The following RNFT2 variants were observed in gnomAD, a reference collection of about 807,000 sequenced individuals.
RNFT2 encodes E3 ubiquitin-protein ligase RNFT2.
Under a neutral mutation model 53.0 loss-of-function variants are expected in RNFT2, and 36 were observed. The observed-to-expected ratio is 0.68, with a 90% CI of 0.52 to 0.90. The LOEUF (loss-of-function observed/expected upper bound fraction) is 0.90, where lower values mean the gene tolerates loss of function less well. Ranked by LOEUF, RNFT2 falls within the 40% of genes least tolerant of loss-of-function variation. RNFT2 has a pLI of 0.00. For synonymous variants in RNFT2, 260 were observed against 253.2 expected (o/e 1.03, Z -0.26); for missense variants, 514 against 585.6 (o/e 0.88, Z 1.26).
In RNFT2 at chr12:116,849,830, T is replaced by TTCCG; in HGVS notation, c.*385_*386insGTCC. The TTCCG allele has an allele frequency of 5.5e-5, 8 of 146,776 alleles. No homozygotes were observed. Among genetic ancestry groups the TTCCG allele is most frequent in the African/African-American group, 7.0e-5 (1 of 14,310 alleles). 9.1% of individuals were successfully genotyped at this position (146,776 alleles called of 1,614,324 possible). A position where few individuals can be genotyped will look rare whatever the true frequency, so the allele number is the denominator to read the frequency against. Reference sequence around the variant, plus strand: ...TCTCTCTGTTTCCCTCCCTCCCTCCTTCCTTCCTTCCTTCCTTTTTTTTTT... The same window carrying TTCCG: ...TCTCTCTGTTTCCCTCCCTCCCTCCTTCCGTCCTTCCTTCCTTCCTTTTTTTTTT... On this transcript the variant is annotated 3_prime_UTR_variant, in exon 11 of 11. Transcript: ENST00000257575.
At chr12:116,797,760 T>C (rs1004462628) in intron 7 of RNFT2, among the ~76,000 whole-genome samples, 1 of 152,182 alleles carries the variant, frequency 6.6e-6, no homozygotes, top group African/African-American at 2.4e-5. Flanking sequence ...GGCTGCCCCA[T>C]AGGCAGAGAG....
At position 116,852,469 on chromosome 12, in the gene RNFT2, T is replaced by C. The variant is rs140267506; in HGVS notation, c.*3021T>C. 2.9e-4 allele frequency: 419 copies of C among 1,450,716 alleles called. 2 individuals are homozygous for C. The African/African-American group carries it at 5.0e-3, about 17-fold the overall frequency. 89.9% of individuals were successfully genotyped at this position (1,450,716 alleles called of 1,614,324 possible). On this transcript the variant is annotated 3_prime_UTR_variant, in exon 11 of 11. Transcript: ENST00000257575. ...TAGCATCTTTCAAGCTCCGTTACTA[T>C]GGCGATGGCCATGATGTTACAATCC...
chr12:116,749,809 C>T, intron 3 of RNFT2, 32 bp from the exon 4 acceptor site: 2 of 1,548,104 alleles, frequency 1.3e-6, no homozygotes. Flanking sequence ...ATCTGCCTGA[C>T]TTCCTGGGGT....
At chr12:116,793,111 G>A (rs1455513362) in intron 7 of RNFT2, among the ~76,000 whole-genome samples, 2 of 152,048 alleles carry the variant, frequency 1.3e-5, no homozygotes, top group African/African-American at 2.4e-5. Context: ...CAGCCAAGAC[G>A]GGTTAAAGGT....
At chr12:116,767,045 GT>G in intron 6 of RNFT2, 131 bp downstream of exon 6, 1 of 620,628 alleles carries the variant, frequency 1.6e-6, no homozygotes, top group South Asian at 2.0e-5. Flanking sequence ...CCACCCTGCT[GT>G]TACTACTTAT....
rs910022924 is a variant in RNFT2, at chr12:116,838,627, T to C, written c.1200+2345T>C. Among the ~76,000 whole-genome samples, 3 of 152,248 alleles carry C rather than the reference T, an allele frequency of 2.0e-5. No individual in the cohort carries two copies. In the East Asian group the frequency reaches 5.8e-4, roughly 29 times the overall value. On this transcript the variant is annotated intron_variant, in intron 10 of 10. Transcript: ENST00000257575. ...TATCTCAGTGCAGTTTTAATTTGCA[T>C]TTCCCTAATTATGAGCGTGGTTGAG...
intron 10 of RNFT2, among the ~76,000 whole-genome samples, chr12:116,841,818 A>AAATATATATAT (rs1565875984): frequency 1.4e-4 from 11 of 76,938 alleles, no homozygotes; most frequent in South Asian, 3.8e-4. Flanking sequence ...TATATATATA[A>AAATATATATAT]AAATATATAT....
intron 3 of RNFT2, among the ~76,000 whole-genome samples, chr12:116,746,111 C>T (rs1436292108): frequency 1.3e-5 from 2 of 152,188 alleles, no homozygotes; most frequent in Non-Finnish European, 2.9e-5. Flanking sequence ...GTGGCGCACA[C>T]CTGTAATCCC....
chr12:116,819,571 C>G (rs941462081), intron 7 of RNFT2, among the ~76,000 whole-genome samples: 1 of 152,102 alleles, frequency 6.6e-6, no homozygotes, highest in African/African-American at 2.4e-5. Flanking sequence ...GGCGGCCGGG[C>G]CAGCCCGCGC....
chr12:116,839,425 GT>G (rs1877140388), intron 10 of RNFT2, among the ~76,000 whole-genome samples: 7 of 112,536 alleles, frequency 6.2e-5, no homozygotes, highest in Non-Finnish European at 1.2e-4. Flanking sequence ...GGGTGGGTGG[GT>G]GGATGGATGG....
chr12:116,828,309 T>C (rs1592982915), intron 7 of RNFT2, among the ~76,000 whole-genome samples: 1 of 152,210 alleles, frequency 6.6e-6, no homozygotes, highest in South Asian at 2.1e-4. Context: ...TCAGGAGGTC[T>C]GGGGTGAGGC....
chr12:116,763,780 A>G lies in RNFT2; in HGVS notation c.628-3034A>G, dbSNP rs945683894. 3.0e-4 allele frequency among the ~76,000 whole-genome samples: 43 copies of G among 142,394 alleles called. 1 individual carries two copies. Among genetic ancestry groups the G allele is most frequent in the East Asian group, 2.5e-3 (12 of 4,754 alleles). The allele number at this position is 142,394 out of a possible 152,430, so 93.4% of individuals were successfully genotyped here. On this transcript the variant is annotated intron_variant, in intron 5 of 10. Transcript: ENST00000257575. ...GGTGACAGAGCGAGACTCCATCTCAAAAAAAAAAGGGGGCGGGGGGGGAAA... is the reference window on the plus strand; with the variant it reads ...GGTGACAGAGCGAGACTCCATCTCAGAAAAAAAAGGGGGCGGGGGGGGAAA...
chr12:116,767,000 G>C, intron 6 of RNFT2, 86 bp downstream of exon 6: 1 of 868,130 alleles, frequency 1.2e-6, no homozygotes, highest in Non-Finnish European at 1.8e-6. Context: ...TGAGAATGAG[G>C]CACAAGCTCT....
intron 7 of RNFT2, among the ~76,000 whole-genome samples, chr12:116,806,376 AAAAAAATATATATAT>A (rs1305364375): frequency 7.9e-6 from 1 of 127,250 alleles, no homozygotes; most frequent in African/African-American, 3.9e-5. Context: ...TCAAAAAAAA[AAAAAAATATATATAT>A]ATATATATAG....
intron 5 of RNFT2, among the ~76,000 whole-genome samples, chr12:116,756,311 T>A (rs768848887): frequency 0.019 from 2,951 of 152,196 alleles, 44 homozygotes; most frequent in Middle Eastern, 0.058. Flanking sequence ...CTAAGGTTTT[T>A]TTTTGTTTTT....
rs775478129 is a variant in RNFT2 at position 116,850,620 on chromosome 12, C to CTTTTTTCTTTTTTTTTTTTTTTTTT, written c.*1178_*1179insCTTTTTTTTTTTTTTTTTTTTTTTT. Reference sequence around the variant, plus strand: ...TGTGAAGTATTTTTTCTTTTCTTTTCTTTTTTTTTTTTTTTTTGTTGTTGT... The same window carrying CTTTTTTCTTTTTTTTTTTTTTTTTT: ...TGTGAAGTATTTTTTCTTTTCTTTTCTTTTTTCTTTTTTTTTTTTTTTTTTTTTTTTTTTTTTTTTTTGTTGTTGT... On this transcript the variant is annotated 3_prime_UTR_variant, in exon 11 of 11. Transcript: ENST00000257575. 7.6e-5 allele frequency: 10 copies of CTTTTTTCTTTTTTTTTTTTTTTTTT among 130,992 alleles called. No individual in the cohort carries two copies. The highest frequency in any genetic ancestry group is 1.2e-4 in the African/African-American group (4 of 33,718). 8.1% of individuals were successfully genotyped at this position (130,992 alleles called of 1,614,324 possible).
chr12:116,789,233 G>A (rs1399676859), intron 7 of RNFT2, among the ~76,000 whole-genome samples: 1 of 143,260 alleles, frequency 7.0e-6, no homozygotes, highest in Non-Finnish European at 1.5e-5. Flanking sequence ...TGGGAGGAGA[G>A]TAGATGGATG....
At chr12:116,766,680 G>A in intron 5 of RNFT2, 134 bp from the exon 6 acceptor site, 2 of 679,546 alleles carry the variant, frequency 2.9e-6, no homozygotes, top group Middle Eastern at 2.5e-4. Context: ...AGGTGCCAAT[G>A]CCCTTCCTTT....
Position 116,853,282 on chromosome 12 carries a change from C to A in RNFT2, c.*3834C>A. On this transcript the variant is annotated 3_prime_UTR_variant, in exon 11 of 11. Coordinates refer to ENST00000257575, the MANE Select transcript of RNFT2 (RefSeq NM_001382266.1). The stretch of plus-strand genomic sequence containing the variant: ...AGTAGGGTTAATCGAGTATCAGGTT[C>A]ACAGTATCCTGCCCTTATTATTTTA... 2.5e-6 allele frequency: 1 copy of A among 398,584 alleles called. No individual in the cohort carries two copies. The highest frequency in any genetic ancestry group is 1.3e-4 in the South Asian group (1 of 7,842). 24.7% of individuals were successfully genotyped at this position (398,584 alleles called of 1,614,324 possible).
Sources: allele counts gnomAD v4.1 joint callset (sites outside exome capture counted in the v4.1 genomes callset), GRCh38; gene constraint gnomAD v4.1.1; transcripts MANE v1.5; gene names NCBI Gene and HGNC (gene_info 2026-07-23, HGNC 2026-07-21).